OR2B11: variants seen among roughly 807,000 people sequenced by gnomAD.
OR2B11 encodes olfactory receptor family 2 subfamily B member 11, also known as olfactory receptor 2B11.
For synonymous variants in OR2B11, 198 were observed against 174.5 expected, an observed-to-expected ratio of 1.13 and a Z score of -1.06; for missense variants, 422 against 400.0, an observed-to-expected ratio of 1.05 and a Z score of -0.47.
Position 247,450,792 on chromosome 1 carries a change from A to G in OR2B11, c.*237T>C, listed in dbSNP as rs1042978917. On this transcript the variant is annotated 3_prime_UTR_variant, in exon 2 of 2. Coordinates refer to ENST00000641149, the MANE Select transcript of OR2B11 (RefSeq NM_001004492.2). ...AATTGGAAGTGAAATAATTCCACACATACTTATTGAAGTCTATTTAAACAA... is the reference window on the plus strand; with the variant it reads ...AATTGGAAGTGAAATAATTCCACACGTACTTATTGAAGTCTATTTAAACAA... The G allele has an allele frequency of 8.5e-6, 3 of 350,980 alleles. No individual in the cohort carries two copies. Among genetic ancestry groups the G allele is most frequent in the African/African-American group, 2.1e-5 (1 of 47,754 alleles). The allele number at this position is 350,980 out of a possible 1,614,324, so 21.7% of individuals were successfully genotyped here.
rs1664889227 is a variant in OR2B11 at position 247,453,305 on chromosome 1, A to T, written c.-1323T>A. The T allele has an allele frequency of 6.6e-6, 1 of 152,194 alleles. No homozygotes were observed. The highest frequency in any genetic ancestry group is 2.1e-4 in the South Asian group (1 of 4,836). 9.4% of individuals were successfully genotyped at this position (152,194 alleles called of 1,614,324 possible). A position where few individuals can be genotyped will look rare whatever the true frequency, so the allele number is the denominator to read the frequency against. On this transcript the variant is annotated 5_prime_UTR_variant, in exon 2 of 2. Coordinates refer to ENST00000641149, the MANE Select transcript of OR2B11 (RefSeq NM_001004492.2). ...CTGAAGAACTCTACTGTTACTGGAA[A>T]ACAACTCAAACTCCAGGGTTTCAAT...
chr1:247,457,438 C>T (rs752369003), intron 1 of OR2B11, among the ~76,000 whole-genome samples: 8 of 152,098 alleles, frequency 5.3e-5, no homozygotes, highest in South Asian at 2.1e-4. Flanking sequence ...GTTCTGCTCC[C>T]GGCTCTCTTT....
chr1:247,455,800 C>T (rs182917266), intron 1 of OR2B11, among the ~76,000 whole-genome samples: 8 of 152,310 alleles, frequency 5.3e-5, no homozygotes, highest in Non-Finnish European at 5.9e-5. Context: ...GGGAATCTTA[C>T]GTTCTTCCCT....
In OR2B11 at chr1:247,451,063, C is replaced by A. The variant is rs775557634; in HGVS notation, c.920G>T (p.Arg307Ile). Reference protein sequence around the residue: ...RNKDMKGALRRLLARIWRLCG With the variant: ...RNKDMKGALRILLARIWRLCG ...GAGCCTCCAGATCCTGGCCAGAAGT[C>A]TCCTCAGAGCCCCCTTCATATCTTT... The change falls in exon 2 of 2, where the codon AGA becomes ATA. Residue 307 changes from arginine to isoleucine, a missense_variant. Coordinates refer to ENST00000641149, the MANE Select transcript of OR2B11 (RefSeq NM_001004492.2). 4 of 1,505,024 alleles carry A rather than the reference C, an allele frequency of 2.7e-6. No individual in the cohort carries two copies. In the Admixed American group the frequency reaches 6.9e-5, roughly 26 times the overall value. The allele number at this position is 1,505,024 out of a possible 1,614,324, so 93.2% of individuals were successfully genotyped here.
chr1:247,451,346 C>T lies in OR2B11; in HGVS notation c.637G>A (p.Val213Met). Residue 213 changes from valine to methionine, a missense_variant, in exon 2 of 2, where the codon GTG (valine) becomes ATG (methionine). Transcript: ENST00000641149. ...LAVLVAFFVL[V>M]PLALILLSYG... ...GAGAGAAGGATGAGAGCCAGGGGCA[C>T]CAACACGAAGAAGGCCACCAGCACA... 6.2e-7 allele frequency: 1 copy of T among 1,614,142 alleles called. No individual in the cohort carries two copies. The highest frequency in any genetic ancestry group is 8.5e-7 in the Non-Finnish European group (1 of 1,180,020).
At position 247,451,359 on chromosome 1, in the gene OR2B11, G is replaced by T. The variant is rs1198378180; in HGVS notation, c.624C>A (p.Ala208=). 1 of 1,614,162 alleles carries T rather than the reference G, an allele frequency of 6.2e-7. No homozygotes were observed. Among genetic ancestry groups the T allele is most frequent in the South Asian group, 1.1e-5 (1 of 91,084 alleles). ...VNDTILAVLV[A]FFVLVPLALI... is the part of the protein sequence containing the mutation. ...GAGCCAGGGGCACCAACACGAAGAA[G>T]GCCACCAGCACAGCCAGTATGGTGT... Residue 208 remains alanine, a synonymous_variant, in exon 2 of 2, where the codon GCC becomes GCA. Coordinates refer to ENST00000641149, the MANE Select transcript of OR2B11 (RefSeq NM_001004492.2).
chr1:247,452,866 G>C lies in OR2B11; in HGVS notation c.-884C>G, dbSNP rs1348033998. Reference sequence around the variant, plus strand: ...AGGGCTAGGTTTTATCTGATGGCTTGAGTGACATTCCAATTTCCTGCACAA... The same window carrying C: ...AGGGCTAGGTTTTATCTGATGGCTTCAGTGACATTCCAATTTCCTGCACAA... On this transcript the variant is annotated 5_prime_UTR_variant, in exon 2 of 2. It introduces an in-frame stop codon into an upstream open reading frame of the 5' UTR. Transcript: ENST00000641149. 1 of 152,162 alleles carries C rather than the reference G, an allele frequency of 6.6e-6. No homozygotes were observed. The highest frequency in any genetic ancestry group is 1.9e-4 in the East Asian group (1 of 5,190). The allele number at this position is 152,162 out of a possible 1,614,324, so 9.4% of individuals were successfully genotyped here. A position where few individuals can be genotyped will look rare whatever the true frequency, so the allele number is the denominator to read the frequency against.
intron 1 of OR2B11, among the ~76,000 whole-genome samples, chr1:247,456,321 TTAAAA>T (rs1664964052): frequency 6.6e-6 from 1 of 152,196 alleles, no homozygotes; most frequent in Non-Finnish European, 1.5e-5. Context: ...TTATATTTAC[TTAAAA>T]TAAATAGAGA....
rs1400691914 is a variant in OR2B11, at chr1:247,451,399, T to C, written c.584A>G (p.Asp195Gly). ...CAGTATGGTGTCATTCACAGCGGTG[T>C]CAGCACACGACAGCTTGATCACGGC... is the stretch of plus-strand genomic sequence containing the variant. ...VPAVIKLSCADTAVNDTILAV... is the reference protein window; with the variant it reads ...VPAVIKLSCAGTAVNDTILAV... Residue 195 changes from aspartate to glycine, a missense_variant, in exon 2 of 2, where the codon GAC becomes GGC. Coordinates refer to ENST00000641149, the MANE Select transcript of OR2B11 (RefSeq NM_001004492.2). 1 of 1,614,096 alleles carries C rather than the reference T, an allele frequency of 6.2e-7. No individual in the cohort carries two copies. The highest frequency in any genetic ancestry group is 1.1e-5 in the South Asian group (1 of 91,072).
Position 247,451,710 on chromosome 1 carries a change from A to G in OR2B11, c.273T>C (p.Ser91=). ...TVPQMLVNMG[S]SQKTISYGGC... is the part of the protein sequence containing the mutation. Reference sequence around the variant, plus strand: ...CTCCATAGCTGATGGTCTTCTGGGAACTGCCCATGTTGACCAGCATCTGAG... The same window carrying G: ...CTCCATAGCTGATGGTCTTCTGGGAGCTGCCCATGTTGACCAGCATCTGAG... Residue 91 remains serine (S), a synonymous_variant, in exon 2 of 2, where the codon AGT becomes AGC. Coordinates refer to ENST00000641149, the MANE Select transcript of OR2B11 (RefSeq NM_001004492.2). The G allele has an allele frequency of 2.5e-6, 4 of 1,614,168 alleles. No homozygotes were observed. The highest frequency in any genetic ancestry group is 3.4e-6 in the Non-Finnish European group (4 of 1,179,992).
At position 247,451,778 on chromosome 1, in the gene OR2B11, G is replaced by C. The variant is rs1319584147; in HGVS notation, c.205C>G (p.His69Asp). Residue 69 changes from histidine to aspartate, a missense_variant, in exon 2 of 2, where the codon CAC (histidine) becomes GAC (aspartate). Physicochemically the swap from His to Asp is moderately conservative, Grantham distance 81 (BLOSUM62 -1). Coordinates refer to ENST00000641149, the MANE Select transcript of OR2B11 (RefSeq NM_001004492.2). ...LHSPMYIFLS[H>D]LSFLDLCYTT... ...TAGCAGAGGTCCAGGAAGGACAGGT[G>C]ACTGAGGAAGATGTACATGGGGCTG... 5 of 1,614,196 alleles carry C rather than the reference G, an allele frequency of 3.1e-6. No individual in the cohort carries two copies. Among genetic ancestry groups the C allele is most frequent in the Non-Finnish European group, 4.2e-6 (5 of 1,180,038 alleles).
rs772851421 is a variant in OR2B11 at position 247,452,397 on chromosome 1, T to TTC, written c.-417_-416dup. ...TCCCATCACCGTCAGAGTGTTTGATTTCTCTCTACATCCACATCGACAAGG... is the reference window on the plus strand; with the variant it reads ...TCCCATCACCGTCAGAGTGTTTGATTTCTCTCTCTACATCCACATCGACAAGG... On this transcript the variant is annotated 5_prime_UTR_variant, in exon 2 of 2. Transcript: ENST00000641149. 2 of 175,992 alleles carry TTC rather than the reference T, an allele frequency of 1.1e-5. No individual in the cohort carries two copies. The highest frequency in any genetic ancestry group is 5.4e-5 in the Admixed American group (1 of 18,488). The allele number at this position is 175,992 out of a possible 1,614,324, so 10.9% of individuals were successfully genotyped here.
intron 1 of OR2B11, among the ~76,000 whole-genome samples, 156 bp from the exon 2 acceptor site, chr1:247,455,220 G>A (rs1193496484): frequency 6.6e-6 from 1 of 152,154 alleles, no homozygotes; most frequent in African/African-American, 2.4e-5. Flanking sequence ...CAAATTTACA[G>A]CAGTGTGTGG....
rs982663364 is a variant in OR2B11 at position 247,449,786 on chromosome 1, A to G, written c.*1243T>C. 1 of 152,194 alleles carries G rather than the reference A, an allele frequency of 6.6e-6. No individual in the cohort carries two copies. The highest frequency in any genetic ancestry group is 2.4e-5 in the African/African-American group (1 of 41,454). 9.4% of individuals were successfully genotyped at this position (152,194 alleles called of 1,614,324 possible). A position where few individuals can be genotyped will look rare whatever the true frequency, so the allele number is the denominator to read the frequency against. ...AGACTGGGTTTCTGCATCTTGGTGAACTATTACCGACTGCCTTCCTGCTAC... is the reference window on the plus strand; with the variant it reads ...AGACTGGGTTTCTGCATCTTGGTGAGCTATTACCGACTGCCTTCCTGCTAC... On this transcript the variant is annotated 3_prime_UTR_variant, in exon 2 of 2. Transcript: ENST00000641149.
rs2103265501 is a variant in OR2B11, at chr1:247,450,995, T to C, written c.*34A>G. 2 of 1,275,908 alleles carry C rather than the reference T, an allele frequency of 1.6e-6. No individual in the cohort carries two copies. The highest frequency in any genetic ancestry group is 1.8e-5 in the South Asian group (1 of 56,736). 79.0% of individuals were successfully genotyped at this position (1,275,908 alleles called of 1,614,324 possible). ...GCACAATAGACTTGTGCTGTGTTCT[T>C]TAATTGATGGAGATGCTACATCTCA... On this transcript the variant is annotated 3_prime_UTR_variant, in exon 2 of 2. Transcript: ENST00000641149.
rs1664885335 is a variant in OR2B11 at position 247,453,197 on chromosome 1, C to T, written c.-1215G>A. 1 of 152,070 alleles carries T rather than the reference C, an allele frequency of 6.6e-6. No individual in the cohort carries two copies. Among genetic ancestry groups the T allele is most frequent in the African/African-American group, 2.4e-5 (1 of 41,396 alleles). 9.4% of individuals were successfully genotyped at this position (152,070 alleles called of 1,614,324 possible). A position where few individuals can be genotyped will look rare whatever the true frequency, so the allele number is the denominator to read the frequency against. ...AGGATTTTTATTCTTGATTTGGTACCTTATGCATAGACTGTAAAACTAACG... is the reference window on the plus strand; with the variant it reads ...AGGATTTTTATTCTTGATTTGGTACTTTATGCATAGACTGTAAAACTAACG... On this transcript the variant is annotated 5_prime_UTR_variant, in exon 2 of 2. Coordinates refer to ENST00000641149, the MANE Select transcript of OR2B11 (RefSeq NM_001004492.2).
intron 1 of OR2B11, among the ~76,000 whole-genome samples, chr1:247,457,148 C>A (rs1334526720): frequency 6.6e-6 from 1 of 152,040 alleles, no homozygotes; most frequent in African/African-American, 2.4e-5. Flanking sequence ...CTCCCCCTAC[C>A]ACCACCACAC....
chr1:247,454,422 C>T lies in OR2B11; in HGVS notation c.-2440G>A, dbSNP rs1231302543. On this transcript the variant is annotated 5_prime_UTR_variant, in exon 2 of 2. Transcript: ENST00000641149. ...GCTTCCCTGGATGGACACAGTAGTT[C>T]CCACAAACATCGCCATCGCATTCAG... 6.6e-6 allele frequency: 1 copy of T among 152,384 alleles called. No homozygotes were observed. The highest frequency in any genetic ancestry group is 1.5e-5 in the Non-Finnish European group (1 of 68,108). 9.4% of individuals were successfully genotyped at this position (152,384 alleles called of 1,614,324 possible).
Position 247,455,841 on chromosome 1 carries a change from C to T in OR2B11, c.-3082-777G>A, listed in dbSNP as rs1572246992. 1.3e-5 allele frequency among the ~76,000 whole-genome samples: 2 copies of T among 152,316 alleles called. 1 individual carries two copies. Among genetic ancestry groups the T allele is most frequent in the South Asian group, 4.1e-4 (2 of 4,830 alleles). On this transcript the variant is annotated intron_variant, in intron 1 of 1. Coordinates refer to ENST00000641149, the MANE Select transcript of OR2B11 (RefSeq NM_001004492.2). ...TCATGTCCCACCTCTGGTTTCAGGA[C>T]AGCCCGGTTTCTTTCCTTTAACTGC...
Sources: allele counts gnomAD v4.1 joint callset (sites outside exome capture counted in the v4.1 genomes callset), GRCh38; gene constraint gnomAD v4.1.1; transcripts MANE v1.5; gene names NCBI Gene and HGNC (gene_info 2026-07-23, HGNC 2026-07-21).